Variants in SLC6A5 observed in about 807,000 individuals in gnomAD.
SLC6A5 encodes solute carrier family 6 member 5.
SLC6A5 carries 58 observed loss-of-function variants against 90.5 expected under a neutral mutation model. The ratio of observed to expected loss-of-function variants is 0.64; its 90% CI spans 0.52 to 0.80. The LOEUF (loss-of-function observed/expected upper bound fraction) is 0.80, where lower values mean the gene tolerates loss of function less well. Among genes scored for constraint, SLC6A5 ranks in the 30% least tolerant of loss-of-function variants. The pLI is 0.00. For missense variants in SLC6A5, 1,015 were observed against 1,017.6 expected (o/e 1.00, Z 0.03); for synonymous variants, 427 against 401.4 (o/e 1.06, Z -0.76).
intron 7 of SLC6A5, among the ~76,000 whole-genome samples, chr11:20,619,244 CT>C (rs1234748545): frequency 2.0e-5 from 3 of 152,228 alleles, no homozygotes; most frequent in Non-Finnish European, 4.4e-5. Context: ...TCAGTGCCAT[CT>C]TTCACCCCCA....
intron 5 of SLC6A5, among the ~76,000 whole-genome samples, chr11:20,609,788 G>C (rs1474117152): frequency 6.6e-6 from 1 of 152,170 alleles, no homozygotes; most frequent in Admixed American, 6.5e-5. Flanking sequence ...CATTCCATGG[G>C]GATACCAGGC....
chr11:20,627,644 T>C (rs576862657), intron 8 of SLC6A5, among the ~76,000 whole-genome samples: 109 of 152,218 alleles, frequency 7.2e-4, no homozygotes, highest in Non-Finnish European at 1.5e-3. Flanking sequence ...GTTATATTTT[T>C]CTGTTGTAAA....
At chr11:20,606,954 G>T in intron 3 of SLC6A5, 53 bp from the exon 4 acceptor site, 4 of 1,612,842 alleles carry the variant, frequency 2.5e-6, no homozygotes, top group Non-Finnish European at 3.4e-6. Flanking sequence ...GTTAAGGAGG[G>T]CAGCAGCCTG....
rs546149931 is a variant in SLC6A5, at chr11:20,651,835, A to C, written c.2071-454A>C. 3.0e-3 allele frequency among the ~76,000 whole-genome samples: 454 copies of C among 151,730 alleles called. 4 individuals are homozygous for C. Among genetic ancestry groups the C allele is most frequent in the African/African-American group, 0.01 (430 of 41,432 alleles). ...GGCAGGAGAATCGCTTGAACCTGGG[A>C]GGGGGAGGTTGCAGTAGCTGAGATC... On this transcript the variant is annotated intron_variant, in intron 14 of 15. Transcript: ENST00000525748.
intron 13 of SLC6A5, among the ~76,000 whole-genome samples, chr11:20,643,691 G>A (rs1853356402): frequency 6.6e-6 from 1 of 152,218 alleles, no homozygotes; most frequent in Non-Finnish European, 1.5e-5. Context: ...TGTCAGACTT[G>A]CCTTAAAGTA....
intron 10 of SLC6A5, among the ~76,000 whole-genome samples, chr11:20,631,331 C>T (rs1853105664): frequency 1.3e-5 from 2 of 152,198 alleles, no homozygotes; most frequent in African/African-American, 4.8e-5. Flanking sequence ...GTTAGCAATG[C>T]AGACCTGCAG....
intron 10 of SLC6A5, among the ~76,000 whole-genome samples, chr11:20,635,447 T>A (rs934852355): frequency 1.3e-5 from 2 of 152,146 alleles, no homozygotes; most frequent in East Asian, 3.9e-4. Context: ...TAGCCCCATT[T>A]ATACCAATAG....
At chr11:20,642,159 G>A (rs7130558) in intron 13 of SLC6A5, among the ~76,000 whole-genome samples, 41,973 of 149,898 alleles carry the variant, frequency 0.28, 6,421 homozygotes, top group Non-Finnish European at 0.36. Flanking sequence ...CAATATGGTA[G>A]CTGGAGAGCG....
chr11:20,606,437 C>T (rs1025169061), intron 3 of SLC6A5, among the ~76,000 whole-genome samples: 7 of 152,196 alleles, frequency 4.6e-5, no homozygotes, highest in African/African-American at 1.4e-4. Context: ...TGGGGAAGGG[C>T]GTTGAGAAGT....
chr11:20,658,324 T>G lies in SLC6A5; in HGVS notation c.*3456T>G. On this transcript the variant is annotated 3_prime_UTR_variant, in exon 16 of 16. Coordinates refer to ENST00000525748, the MANE Select transcript of SLC6A5 (RefSeq NM_004211.5). ...ACAATAACTGTTGCTCAATGTAAGA[T>G]GAGATGGCAAGATCATACTACTGTT... is the stretch of plus-strand genomic sequence containing the variant. 1 of 152,184 alleles carries G rather than the reference T, an allele frequency of 6.6e-6. No individual in the cohort carries two copies. Among genetic ancestry groups the G allele is most frequent in the South Asian group, 2.1e-4 (1 of 4,820 alleles). The allele number at this position is 152,184 out of a possible 1,614,324, so 9.4% of individuals were successfully genotyped here.
At position 20,601,366 on chromosome 11, in the gene SLC6A5, A is replaced by C; in HGVS notation, c.241A>C (p.Lys81Gln). The C allele has an allele frequency of 6.2e-7, 1 of 1,602,652 alleles. No individual in the cohort carries two copies. The change falls in exon 2 of 16, where the codon AAA becomes CAA. Residue 81 changes from lysine (K) to glutamine (Q), a missense_variant. This residue lies in a region of SLC6A5 where 567 missense variants were observed against 507.3 expected (regional missense o/e 1.12). Transcript: ENST00000525748. ...EAERPGVGSC[K>Q]LSSPRAQAAS... is the part of the protein sequence containing the mutation. ...TGAGCGGCCAGGAGTGGGGTCTTGC[A>C]AACTCAGTAGCCCGCGGGCGCAGGC...
At chr11:20,630,297 A>C (rs1468572923) in intron 9 of SLC6A5, among the ~76,000 whole-genome samples, 2 of 152,182 alleles carry the variant, frequency 1.3e-5, no homozygotes, top group Non-Finnish European at 2.9e-5. Context: ...TTATAAGGGC[A>C]CTAATCCCAT....
intron 13 of SLC6A5, among the ~76,000 whole-genome samples, chr11:20,639,487 G>A (rs950864130): frequency 1.3e-5 from 2 of 152,140 alleles, no homozygotes; most frequent in Non-Finnish European, 2.9e-5. Context: ...GGATATGCTC[G>A]AGGGACAAAT....
Position 20,655,765 on chromosome 11 carries a change from T to C in SLC6A5, c.*897T>C, listed in dbSNP as rs147489610. 2 of 152,370 alleles carry C rather than the reference T, an allele frequency of 1.3e-5. No individual in the cohort carries two copies. The highest frequency in any genetic ancestry group is 3.9e-4 in the East Asian group (2 of 5,190). The allele number at this position is 152,370 out of a possible 1,614,324, so 9.4% of individuals were successfully genotyped here. The stretch of plus-strand genomic sequence containing the variant: ...CTATAAGCTGTAGACACCTTGTCTT[T>C]TGACCTCTGGGAAAACAAGACTTAC... On this transcript the variant is annotated 3_prime_UTR_variant, in exon 16 of 16. Coordinates refer to ENST00000525748, the MANE Select transcript of SLC6A5 (RefSeq NM_004211.5).
At chr11:20,600,970 T>C (rs1452784989) in intron 1 of SLC6A5, among the ~76,000 whole-genome samples, 159 bp from the exon 2 acceptor site, 1 of 152,208 alleles carries the variant, frequency 6.6e-6, no homozygotes, top group Non-Finnish European at 1.5e-5. Context: ...AATTGAGAAA[T>C]ACTGATTGCA....
chr11:20,607,058 T>G lies in SLC6A5; in HGVS notation c.731T>G (p.Ile244Ser), dbSNP rs1852596514. ...LMMLALAGLPIFFLEVSLGQF... is the reference protein window; with the variant it reads ...LMMLALAGLPSFFLEVSLGQF... ...ATGCTGGCTCTGGCTGGATTACCCA[T>G]CTTCTTCTTGGAGGTGTCGCTGGGC... The change falls in exon 4 of 16, where the codon ATC becomes AGC. Residue 244 changes from isoleucine (I) to serine (S), a missense_variant. This residue lies in a region of SLC6A5 where 567 missense variants were observed against 507.3 expected (regional missense o/e 1.12). Transcript: ENST00000525748. The G allele has an allele frequency of 6.2e-7, 1 of 1,613,898 alleles. No homozygotes were observed. The highest frequency in any genetic ancestry group is 8.5e-7 in the Non-Finnish European group (1 of 1,180,022).
intron 7 of SLC6A5, among the ~76,000 whole-genome samples, chr11:20,625,356 G>A (rs549605418): frequency 4.1e-4 from 62 of 152,228 alleles, no homozygotes; most frequent in Non-Finnish European, 7.6e-4. Context: ...CCGCCTCCTG[G>A]GTTCAAGTGA....
At chr11:20,631,175 G>A (rs768165626) in intron 10 of SLC6A5, among the ~76,000 whole-genome samples, 1 of 152,218 alleles carries the variant, frequency 6.6e-6, no homozygotes, top group Non-Finnish European at 1.5e-5. Context: ...GCTGATGTGG[G>A]CACAGGCTGC....
intron 13 of SLC6A5, among the ~76,000 whole-genome samples, chr11:20,642,710 G>A (rs1475361646): frequency 6.6e-6 from 1 of 152,218 alleles, no homozygotes; most frequent in Non-Finnish European, 1.5e-5. Context: ...CATATAAACA[G>A]AGGCCTAAGA....
Sources: gnomAD v4.1 joint callset for allele counts (sites outside exome capture counted in the v4.1 genomes callset) on GRCh38, gnomAD v4.1.1 for gene constraint, gnomAD v4.1.1 regional missense constraint, MANE v1.5 for transcripts, NCBI Gene and HGNC (gene_info 2026-07-23, HGNC 2026-07-21) for gene names.